Variants in ADAMTS18 observed in about 807,000 individuals in gnomAD.
ADAMTS18 encodes the protein ADAM metallopeptidase with thrombospondin type 1 motif 18.
A neutral mutation model predicts 165.9 loss-of-function variants in ADAMTS18; 157 were observed. That is an observed-to-expected ratio of 0.95 (90% CI 0.83 to 1.08). The LOEUF (loss-of-function observed/expected upper bound fraction) is 1.08. ADAMTS18 is among the 50% of genes least tolerant of loss of function. The pLI, the probability that ADAMTS18 is intolerant of heterozygous loss-of-function variation, is 0.00. For missense variants in ADAMTS18, 2,040 were observed against 1,534.0 expected, an observed-to-expected ratio of 1.33 and a Z score of -5.51; for synonymous variants, 782 against 578.2, an observed-to-expected ratio of 1.35 and a Z score of -5.06.
intron 16 of ADAMTS18, among the ~76,000 whole-genome samples, chr16:77,314,542 G>C (rs780351100): frequency 8.7e-5 from 13 of 150,020 alleles, no homozygotes; most frequent in Non-Finnish European, 1.3e-4. Flanking sequence ...GACCCAGTAG[G>C]CGGAGGTTGC....
rs547848548 is a variant in ADAMTS18, at chr16:77,343,709, C to A, written c.1615-1910G>T. ...TTGGAAGGCTCTCAAATTCTCCAGGCCTCAGTTTTCTAGTCTATAAAGAAA... is the reference window on the plus strand; with the variant it reads ...TTGGAAGGCTCTCAAATTCTCCAGGACTCAGTTTTCTAGTCTATAAAGAAA... On this transcript the variant is annotated intron_variant, in intron 10 of 22. Transcript: ENST00000282849. Among the ~76,000 whole-genome samples the A allele has an allele frequency of 4.6e-5, 7 of 152,248 alleles. No homozygotes were observed. In the South Asian group the frequency reaches 1.5e-3, roughly 32 times the overall value.
At chr16:77,362,938 G>A (rs6564434) in intron 6 of ADAMTS18, among the ~76,000 whole-genome samples, 24,812 of 152,076 alleles carry the variant, frequency 0.16, 2,394 homozygotes, top group East Asian at 0.27. Context: ...ACCAGCACAC[G>A]CCTTTTCTGT....
intron 14 of ADAMTS18, 151 bp downstream of exon 14, chr16:77,322,185 G>T: frequency 2.2e-5 from 14 of 633,740 alleles, no homozygotes; most frequent in Middle Eastern, 4.6e-4. Context: ...AAAAGATATG[G>T]TGCTCGAATC....
chr16:77,298,133 G>A (rs1200550825), intron 17 of ADAMTS18, among the ~76,000 whole-genome samples: 1 of 151,610 alleles, frequency 6.6e-6, no homozygotes, highest in Non-Finnish European at 1.5e-5. Flanking sequence ...AGTCAGGCTG[G>A]TCTTGAACTC....
chr16:77,362,030 T>C (rs1462608776), intron 7 of ADAMTS18, 75 bp downstream of exon 7: 28 of 1,492,992 alleles, frequency 1.9e-5, no homozygotes, highest in South Asian at 4.6e-5. Context: ...ATAAGGGCTA[T>C]CCATCATCCA....
intron 3 of ADAMTS18, among the ~76,000 whole-genome samples, chr16:77,406,421 T>A (rs80141193): frequency 3.9e-5 from 6 of 152,076 alleles, no homozygotes; most frequent in African/African-American, 1.4e-4. Context: ...AAGATCACGA[T>A]TGAAACAAAG....
chr16:77,415,295 C>G (rs1411425365), intron 3 of ADAMTS18, among the ~76,000 whole-genome samples: 1 of 152,216 alleles, frequency 6.6e-6, no homozygotes, highest in Non-Finnish European at 1.5e-5. Flanking sequence ...TCATTCATTT[C>G]TATCATAGTT....
At chr16:77,321,889 C>A (rs536031718) in intron 14 of ADAMTS18, among the ~76,000 whole-genome samples, 1 of 152,134 alleles carries the variant, frequency 6.6e-6, no homozygotes, top group Non-Finnish European at 1.5e-5. Flanking sequence ...GGCGTGGTGG[C>A]TCACGCCTAT....
chr16:77,299,917 C>G (rs1438914263), intron 17 of ADAMTS18: 1 of 157,940 alleles, frequency 6.3e-6, no homozygotes, highest in Admixed American at 6.4e-5. Flanking sequence ...GACAGAAAAG[C>G]CAAGACTGGC....
At position 77,415,101 on chromosome 16, in the gene ADAMTS18, T is replaced by G. The variant is rs866682454; in HGVS notation, c.495+16194A>C. ...CACTGTGAGGAACAAATATTGACAA[T>G]GCTAGATGCCATAATACTCTGTGCT... On this transcript the variant is annotated intron_variant, in intron 3 of 22. Transcript: ENST00000282849. Among the ~76,000 whole-genome samples, 5 of 152,204 alleles carry G rather than the reference T, an allele frequency of 3.3e-5. No individual in the cohort carries two copies. The South Asian group carries it at 8.3e-4, about 25-fold the overall frequency.
At chr16:77,381,547 T>C (rs533570833) in intron 3 of ADAMTS18, among the ~76,000 whole-genome samples, 50 of 152,246 alleles carry the variant, frequency 3.3e-4, no homozygotes, top group Non-Finnish European at 5.9e-4. Context: ...CTCACGCCTG[T>C]AATCCCAGCA....
At chr16:77,287,577 A>G (rs2055278097) in intron 22 of ADAMTS18, among the ~76,000 whole-genome samples, 1 of 152,078 alleles carries the variant, frequency 6.6e-6, no homozygotes, top group Non-Finnish European at 1.5e-5. Context: ...TCCTGGGTTC[A>G]AGAGATCCTC....
In ADAMTS18 at chr16:77,362,227, A is replaced by G; in HGVS notation, c.1094T>C (p.Leu365Pro). The change falls in exon 7 of 23, where the codon CTG (leucine) becomes CCG (proline). Residue 365 changes from leucine (L) to proline (P), a missense_variant. By Grantham distance (98) the Leu-to-Pro change is moderately conservative (BLOSUM62 -3). Coordinates refer to ENST00000282849, the MANE Select transcript of ADAMTS18 (RefSeq NM_199355.4). ...LLINHHADQS[L>P]NSFCQWQSAL... ...AGACTGCCATTGACAAAAACTATTC[A>G]GAGACTGGTCTGCATGATGGTTGAT... 4.3e-6 allele frequency: 7 copies of G among 1,614,184 alleles called. No homozygotes were observed. The highest frequency in any genetic ancestry group is 5.9e-6 in the Non-Finnish European group (7 of 1,180,018).
intron 3 of ADAMTS18, among the ~76,000 whole-genome samples, chr16:77,420,675 T>C (rs1240869649): frequency 6.6e-6 from 1 of 152,218 alleles, no homozygotes; most frequent in African/African-American, 2.4e-5. Context: ...AGGAAAACCC[T>C]GTGACAAGAT....
At chr16:77,344,934 C>T (rs150458733) in intron 10 of ADAMTS18, among the ~76,000 whole-genome samples, 49 of 151,972 alleles carry the variant, frequency 3.2e-4, no homozygotes, top group Non-Finnish European at 5.9e-4. Flanking sequence ...TTTGCTTGTA[C>T]CTCCCCCCTC....
At chr16:77,327,413 T>C (rs982206564) in intron 12 of ADAMTS18, among the ~76,000 whole-genome samples, 16 of 152,150 alleles carry the variant, frequency 1.1e-4, no homozygotes, top group African/African-American at 2.9e-4. Context: ...CTCCCACATA[T>C]GAATGAGAAC....
At chr16:77,338,399 G>A (rs1414649057) in intron 11 of ADAMTS18, among the ~76,000 whole-genome samples, 1 of 151,738 alleles carries the variant, frequency 6.6e-6, no homozygotes, top group East Asian at 2.0e-4. Context: ...GCATGCTCAG[G>A]TAATTTTTTG....
intron 12 of ADAMTS18, among the ~76,000 whole-genome samples, chr16:77,332,552 C>A (rs1450699839): frequency 6.6e-6 from 1 of 152,182 alleles, no homozygotes; most frequent in African/African-American, 2.4e-5. Flanking sequence ...ATGACTTTTA[C>A]AAAGCCACAG....
At chr16:77,426,878 G>A (rs1228343057) in intron 3 of ADAMTS18, among the ~76,000 whole-genome samples, 3 of 152,130 alleles carry the variant, frequency 2.0e-5, no homozygotes, top group Non-Finnish European at 4.4e-5. Context: ...GCCTGGTGTG[G>A]TGGTACGTGC....
Sources: allele counts gnomAD v4.1 joint callset (sites outside exome capture counted in the v4.1 genomes callset), GRCh38; gene constraint gnomAD v4.1.1; transcripts MANE v1.5; gene names NCBI Gene and HGNC (gene_info 2026-07-23, HGNC 2026-07-21).